STXBP5: variants seen among roughly 807,000 people sequenced by gnomAD.
STXBP5 encodes syntaxin binding protein 5.
In STXBP5, 50 loss-of-function variants were observed where a neutral mutation model predicts 152.4. The observed-to-expected ratio is 0.33, with a 90% confidence interval of 0.26 to 0.42. STXBP5 has a LOEUF of 0.42. Ranked by LOEUF, STXBP5 falls within the 10% of genes least tolerant of loss-of-function variation. STXBP5 has a pLI of 1.00. For synonymous variants in STXBP5, 492 were observed against 494.7 expected (o/e 0.99, Z 0.07); for missense variants, 1,167 against 1,388.6 (o/e 0.84, Z 2.54).
chr6:147,389,670 T>C lies in STXBP5; in HGVS notation c.*4915T>C, dbSNP rs1786500148. ...TTAATGGCAATGGAATCCTATTTAT[T>C]TGGTAGTTGGTTTTGTTTGTTTTTG... On this transcript the variant is annotated 3_prime_UTR_variant, in exon 28 of 28. Coordinates refer to ENST00000321680, the MANE Select transcript of STXBP5 (RefSeq NM_001127715.4). 1.3e-5 allele frequency: 2 copies of C among 151,928 alleles called. No homozygotes were observed. Among genetic ancestry groups the C allele is most frequent in the Non-Finnish European group, 1.5e-5 (1 of 67,850 alleles). The allele number at this position is 151,928 out of a possible 1,614,324, so 9.4% of individuals were successfully genotyped here. A position where few individuals can be genotyped will look rare whatever the true frequency, so the allele number is the denominator to read the frequency against.
intron 22 of STXBP5, 28 bp from the exon 23 acceptor site, chr6:147,359,056 A>T (rs760811640): frequency 6.2e-7 from 1 of 1,601,038 alleles, no homozygotes; most frequent in South Asian, 1.1e-5. Context: ...TAACTTGAGC[A>T]ATCTCACAAC....
At chr6:147,237,000 AC>A (rs1778309171) in intron 3 of STXBP5, among the ~76,000 whole-genome samples, 1 of 151,192 alleles carries the variant, frequency 6.6e-6, no homozygotes, top group Non-Finnish European at 1.5e-5. Context: ...CTGGTCTCTA[AC>A]TCCTGACCTC....
rs1287258443 is a variant in STXBP5 at position 147,239,179 on chromosome 6, G to A, written c.340G>A (p.Val114Met). 2 of 1,613,104 alleles carry A rather than the reference G, an allele frequency of 1.2e-6. No homozygotes were observed. The highest frequency in any genetic ancestry group is 1.7e-6 in the Non-Finnish European group (2 of 1,179,438). ...LQFLINEGALVSALADDTLHL... is the reference protein window; with the variant it reads ...LQFLINEGALMSALADDTLHL... ...ATACTTGATTTTTAAGGGAGCGCTT[G>A]TGAGTGCCTTGGCTGATGACACCTT... The change falls in exon 4 of 28, where the codon GTG becomes ATG. Residue 114 changes from valine to methionine, a missense_variant. Around this residue, in one of 3 missense-constraint regions of STXBP5, gnomAD observed 310 missense variants for 346.1 expected, o/e 0.90. Transcript: ENST00000321680.
At chr6:147,236,757 G>A (rs184877888) in intron 3 of STXBP5, among the ~76,000 whole-genome samples, 1 of 151,078 alleles carries the variant, frequency 6.6e-6, no homozygotes. Context: ...TCAGTCCCTG[G>A]CAACTATTAA....
At chr6:147,312,186 A>T (rs912284668) in intron 11 of STXBP5, among the ~76,000 whole-genome samples, 2 of 152,190 alleles carry the variant, frequency 1.3e-5, no homozygotes, top group African/African-American at 4.8e-5. Flanking sequence ...TTTCAAAGTC[A>T]ACCTTCTTAT....
rs769876058 is a variant in STXBP5 at position 147,310,196 on chromosome 6, A to G, written c.1030A>G (p.Ile344Val). Residue 344 changes from isoleucine (I) to valine (V), a missense_variant, in exon 10 of 28, where the codon ATT becomes GTT. By Grantham distance (29) the Ile-to-Val change is conservative. Around this residue, in one of 3 missense-constraint regions of STXBP5, gnomAD observed 833 missense variants for 986.3 expected, o/e 0.84. Transcript: ENST00000321680. ...STAVLEMDYS[I>V]VDFLTLCETP... is the part of the protein sequence containing the mutation. ...TGCTGTGCTAGAAATGGACTATTCA[A>G]TTGTTGATTTTCTAACGCTGTGTGA... is the stretch of plus-strand genomic sequence containing the variant. 4.4e-6 allele frequency: 7 copies of G among 1,598,604 alleles called. No individual in the cohort carries two copies. Among genetic ancestry groups the G allele is most frequent in the South Asian group, 3.4e-5 (3 of 87,640 alleles).
chr6:147,213,477 T>TGTGTGTGTGTGTGC lies in STXBP5; in HGVS notation c.248+7410_248+7411insTGTGTGTGTGTGCG. ...GTGTGTGTGTGTGTGTGTGTGTGTG[T>TGTGTGTGTGTGTGC]GCGCGCGCATATATATATTTTTTCT... On this transcript the variant is annotated intron_variant, in intron 2 of 27. Transcript: ENST00000321680. Among the ~76,000 whole-genome samples the TGTGTGTGTGTGTGC allele has an allele frequency of 1.5e-3, 197 of 131,278 alleles. 2 individuals carry two copies. The highest frequency in any genetic ancestry group is 6.0e-3 in the African/African-American group (189 of 31,328). 86.1% of individuals were successfully genotyped at this position (131,278 alleles called of 152,430 possible).
intron 4 of STXBP5, among the ~76,000 whole-genome samples, chr6:147,249,044 C>T (rs1373416126): frequency 6.6e-6 from 1 of 152,174 alleles, no homozygotes; most frequent in Non-Finnish European, 1.5e-5. Context: ...ATGCTGAATT[C>T]AGCTAGCAAC....
intron 17 of STXBP5, 37 bp from the exon 18 acceptor site, chr6:147,327,084 ATTTG>A (rs1562247693): frequency 6.3e-6 from 10 of 1,581,900 alleles, no homozygotes; most frequent in African/African-American, 1.4e-5. Context: ...TTTTGGAATT[ATTTG>A]TTTGTGCTAA....
At chr6:147,373,545 T>C (rs1785666370) in intron 25 of STXBP5, among the ~76,000 whole-genome samples, 186 bp from the exon 26 acceptor site, 1 of 152,136 alleles carries the variant, frequency 6.6e-6, no homozygotes, top group South Asian at 2.1e-4. Flanking sequence ...CATATTTTAG[T>C]TTTAGAAACA....
intron 2 of STXBP5, among the ~76,000 whole-genome samples, chr6:147,216,817 TG>T (rs1302283300): frequency 5.5e-4 from 84 of 152,354 alleles, no homozygotes; most frequent in Middle Eastern, 3.4e-3. Flanking sequence ...TGATAATTTT[TG>T]TTTTATATTA....
chr6:147,261,888 T>G (rs1313257605), intron 5 of STXBP5, among the ~76,000 whole-genome samples: 6 of 151,980 alleles, frequency 3.9e-5, no homozygotes, highest in South Asian at 2.1e-4. Context: ...TTTAATAGAA[T>G]GTTTTTCTAT....
At chr6:147,244,808 T>C (rs1364543622) in intron 4 of STXBP5, among the ~76,000 whole-genome samples, 2 of 152,128 alleles carry the variant, frequency 1.3e-5, no homozygotes, top group African/African-American at 4.8e-5. Flanking sequence ...CTGCCCTCCT[T>C]TTTTGTTTCT....
At chr6:147,302,391 G>A (rs556514202) in intron 9 of STXBP5, among the ~76,000 whole-genome samples, 70 of 152,194 alleles carry the variant, frequency 4.6e-4, no homozygotes, top group Non-Finnish European at 7.6e-4. Flanking sequence ...TTGATAGTTC[G>A]GGGCTACAGA....
intron 2 of STXBP5, among the ~76,000 whole-genome samples, chr6:147,209,245 A>G (rs1414246206): frequency 2.0e-5 from 3 of 152,164 alleles, no homozygotes; most frequent in Non-Finnish European, 2.9e-5. Flanking sequence ...GAATTGTCAA[A>G]TTATTATCGA....
chr6:147,342,423 G>A (rs1352559063), intron 21 of STXBP5, among the ~76,000 whole-genome samples: 1 of 152,144 alleles, frequency 6.6e-6, no homozygotes, highest in African/African-American at 2.4e-5. Flanking sequence ...AAGAAGAGCA[G>A]CCTATAAAAA....
At chr6:147,309,254 C>CT (rs1329465363) in intron 9 of STXBP5, among the ~76,000 whole-genome samples, 1 of 151,964 alleles carries the variant, frequency 6.6e-6, no homozygotes, top group Non-Finnish European at 1.5e-5. Context: ...CATTTAAAAA[C>CT]TAAGAAATCA....
intron 2 of STXBP5, among the ~76,000 whole-genome samples, chr6:147,233,657 A>G (rs1778123827): frequency 6.6e-6 from 1 of 151,736 alleles, no homozygotes; most frequent in South Asian, 2.1e-4. Context: ...TAGACTCACT[A>G]TACTGGGTAG....
At chr6:147,276,723 T>C (rs1259422568) in intron 7 of STXBP5, among the ~76,000 whole-genome samples, 1 of 152,168 alleles carries the variant, frequency 6.6e-6, no homozygotes, top group Non-Finnish European at 1.5e-5. Flanking sequence ...GTTTTCAAAA[T>C]GTCATATGTA....
Sources: gnomAD v4.1 joint callset for allele counts (sites outside exome capture counted in the v4.1 genomes callset) on GRCh38, gnomAD v4.1.1 for gene constraint, gnomAD v4.1.1 regional missense constraint, MANE v1.5 for transcripts, NCBI Gene and HGNC (gene_info 2026-07-23, HGNC 2026-07-21) for gene names.